Variants in FAM171A1 observed in about 807,000 individuals in gnomAD.
FAM171A1 encodes the protein protein FAM171A1.
In FAM171A1, 23 loss-of-function variants were observed where a neutral mutation model predicts 74.9. That is an observed-to-expected ratio of 0.31 (90% CI 0.22 to 0.44). FAM171A1 has a LOEUF of 0.44. Among genes scored for constraint, FAM171A1 ranks in the 20% least tolerant of loss-of-function variants. FAM171A1 has a pLI of 1.00. For synonymous variants in FAM171A1, 527 were observed against 505.7 expected (o/e 1.04, Z -0.57); for missense variants, 1,162 against 1,159.2 (o/e 1.00, Z -0.03).
At chr10:15,310,737 C>T (rs1835350400) in intron 1 of FAM171A1, among the ~76,000 whole-genome samples, 1 of 152,078 alleles carries the variant, frequency 6.6e-6, no homozygotes, top group African/African-American at 2.4e-5. Context: ...TGGCGCGTGC[C>T]TGTAGTCCCA....
At chr10:15,233,121 C>G (rs557177101) in intron 5 of FAM171A1, among the ~76,000 whole-genome samples, 2 of 151,956 alleles carry the variant, frequency 1.3e-5, no homozygotes, top group Non-Finnish European at 2.9e-5. Context: ...GGTGAAACCC[C>G]GTTTCTACTA....
intron 5 of FAM171A1, among the ~76,000 whole-genome samples, chr10:15,242,670 C>A (rs1338176898): frequency 6.6e-6 from 1 of 152,040 alleles, no homozygotes; most frequent in African/African-American, 2.4e-5. Flanking sequence ...GTGTGCCTGT[C>A]GTCCCAGCTA....
At chr10:15,286,841 T>G (rs934738764) in intron 1 of FAM171A1, among the ~76,000 whole-genome samples, 4 of 152,170 alleles carry the variant, frequency 2.6e-5, no homozygotes, top group Non-Finnish European at 5.9e-5. Context: ...AGCTAAATCA[T>G]TCACCTGCCT....
chr10:15,261,469 C>T (rs1010239237), intron 3 of FAM171A1, among the ~76,000 whole-genome samples: 9 of 152,248 alleles, frequency 5.9e-5, no homozygotes, highest in African/African-American at 2.2e-4. Flanking sequence ...ATGTTTAACT[C>T]CCTAAAACAT....
chr10:15,317,300 G>A (rs1835434155), intron 1 of FAM171A1, among the ~76,000 whole-genome samples: 1 of 152,180 alleles, frequency 6.6e-6, no homozygotes, highest in Non-Finnish European at 1.5e-5. Flanking sequence ...GGTTTATCCT[G>A]CAGGCCAGGG....
chr10:15,319,728 T>C (rs1210758825), intron 1 of FAM171A1, among the ~76,000 whole-genome samples: 1 of 152,114 alleles, frequency 6.6e-6, no homozygotes, highest in South Asian at 2.1e-4. Context: ...CCACCCCGCC[T>C]GGTCTGTCCA....
At chr10:15,330,127 A>C (rs1419307078) in intron 1 of FAM171A1, among the ~76,000 whole-genome samples, 1 of 152,126 alleles carries the variant, frequency 6.6e-6, no homozygotes, top group Non-Finnish European at 1.5e-5. Flanking sequence ...GGATCACTTG[A>C]AGTCAGGAGT....
intron 1 of FAM171A1, among the ~76,000 whole-genome samples, chr10:15,302,661 T>C (rs189278155): frequency 1.4e-4 from 22 of 152,318 alleles, no homozygotes; most frequent in Non-Finnish European, 3.2e-4. Flanking sequence ...TAGTTCCCTT[T>C]TAAACCTGAA....
In FAM171A1 at chr10:15,213,816, G is replaced by A; in HGVS notation, c.1772C>T (p.Pro591Leu). 6.2e-7 allele frequency: 1 copy of A among 1,614,144 alleles called. No individual in the cohort carries two copies. Among genetic ancestry groups the A allele is most frequent in the Non-Finnish European group, 8.5e-7 (1 of 1,180,032 alleles). The change falls in exon 8 of 8, where the codon CCC becomes CTC. Residue 591 changes from proline to leucine, a missense_variant. Physicochemically the swap from Pro to Leu is moderately conservative, Grantham distance 98. Coordinates refer to ENST00000378116, the MANE Select transcript of FAM171A1 (RefSeq NM_001010924.2). The surrounding 1 kb of genome is among the most constrained non-coding windows in gnomAD (Gnocchi z 6.8). ...CTGGCTGACATAGGAGTGGTCCCCG[G>A]GGAGTTTCATATAATGAGCCGGGAT... ...LVIPAHYMKL[P>L]GDHSYVSQPL...
rs5783433 is a variant in FAM171A1 at position 15,216,832 on chromosome 10, G to GA, written c.872-723dup. On this transcript the variant is annotated intron_variant, in intron 6 of 7. Transcript: ENST00000378116. ...CTATCTGGGAATTTTATATTGCAGT[G>GA]AAAAAAAAAAAAAAAACCCTACAAA... is the stretch of plus-strand genomic sequence containing the variant. Among the ~76,000 whole-genome samples the GA allele has an allele frequency of 7.6e-4, 103 of 134,844 alleles. 1 individual carries two copies. The highest frequency in any genetic ancestry group is 3.8e-3 in the Middle Eastern group (1 of 262). The allele number at this position is 134,844 out of a possible 152,430, so 88.5% of individuals were successfully genotyped here. A position where few individuals can be genotyped will look rare whatever the true frequency, so the allele number is the denominator to read the frequency against.
chr10:15,252,688 T>TTTCTAGGTCAAGTCATCCA (rs1834525110), intron 4 of FAM171A1, among the ~76,000 whole-genome samples: 1 of 152,188 alleles, frequency 6.6e-6, no homozygotes, highest in Non-Finnish European at 1.5e-5. Flanking sequence ...AGCCTAGTCA[T>TTTCTAGGTCAAGTCATCCA]TTCTAGGTCA....
At chr10:15,345,466 T>G (rs577137527) in intron 1 of FAM171A1, among the ~76,000 whole-genome samples, 1 of 151,542 alleles carries the variant, frequency 6.6e-6, no homozygotes, top group Admixed American at 6.6e-5. Flanking sequence ...TTAGGAAGAG[T>G]GAAAATGACT....
At chr10:15,297,809 C>T (rs532394778) in intron 1 of FAM171A1, among the ~76,000 whole-genome samples, 1 of 152,188 alleles carries the variant, frequency 6.6e-6, no homozygotes, top group Non-Finnish European at 1.5e-5. Context: ...AGCAGAAGTT[C>T]ATTCTCTATT....
At position 15,370,964 on chromosome 10, in the gene FAM171A1, C is replaced by T. The variant is rs1171818959; in HGVS notation, c.89G>A (p.Gly30Glu). The stretch of plus-strand genomic sequence containing the variant: ...CGCCGCCGCCCACTGACCTTGGGCT[C>T]CGGCGCCGGGCTCCCGCAGCGTCTT... ...VTKTLREPGA[G>E]AQEVTLKVHI... The change falls in exon 1 of 8, where the codon GGA becomes GAA. Residue 30 changes from glycine to glutamate, a missense_variant. By Grantham distance (98) the Gly-to-Glu change is moderately conservative (BLOSUM62 -2). Coordinates refer to ENST00000378116, the MANE Select transcript of FAM171A1 (RefSeq NM_001010924.2). 8.5e-6 allele frequency: 10 copies of T among 1,175,668 alleles called. No homozygotes were observed. Among genetic ancestry groups the T allele is most frequent in the Non-Finnish European group, 1.1e-5 (10 of 930,116 alleles). The allele number at this position is 1,175,668 out of a possible 1,614,324, so 72.8% of individuals were successfully genotyped here. A position where few individuals can be genotyped will look rare whatever the true frequency, so the allele number is the denominator to read the frequency against.
At chr10:15,369,830 A>G (rs7912216) in intron 1 of FAM171A1, among the ~76,000 whole-genome samples, 20,859 of 152,212 alleles carry the variant, frequency 0.14, 1,554 homozygotes, top group African/African-American at 0.2. Context: ...CTGCAGGGCC[A>G]ACTTTGCAGG....
At chr10:15,282,125 G>A (rs1220400239) in intron 2 of FAM171A1, among the ~76,000 whole-genome samples, 2 of 151,976 alleles carry the variant, frequency 1.3e-5, no homozygotes, top group Non-Finnish European at 2.9e-5. Flanking sequence ...GTGTCATCCC[G>A]GCTGGAGTGC....
intron 5 of FAM171A1, among the ~76,000 whole-genome samples, chr10:15,231,616 T>TCTGCCTGACTCTGC (rs1834207080): frequency 6.6e-6 from 1 of 151,316 alleles, no homozygotes; most frequent in Non-Finnish European, 1.5e-5. Flanking sequence ...GTGTGGCAAC[T>TCTGCCTGACTCTGC]CTGTCAGGCA....
chr10:15,255,997 C>T lies in FAM171A1; in HGVS notation c.419-1118G>A, dbSNP rs570774391. Among the ~76,000 whole-genome samples, 146 of 151,928 alleles carry T rather than the reference C, an allele frequency of 9.6e-4. 2 individuals carry two copies. Among genetic ancestry groups the T allele is most frequent in the Admixed American group, 9.3e-3 (142 of 15,244 alleles). The stretch of plus-strand genomic sequence containing the variant: ...CTGAACTGGTTTTTACCTAATGCTG[C>T]GGTGATATTCACCAGACGTAAAGGT... On this transcript the variant is annotated intron_variant, in intron 3 of 7. Coordinates refer to ENST00000378116, the MANE Select transcript of FAM171A1 (RefSeq NM_001010924.2).
At chr10:15,296,934 T>C (rs1287498678) in intron 1 of FAM171A1, among the ~76,000 whole-genome samples, 1 of 152,182 alleles carries the variant, frequency 6.6e-6, no homozygotes, top group Non-Finnish European at 1.5e-5. Flanking sequence ...AAGGCAGCCA[T>C]GTGGTAGACT....
Sources: allele counts gnomAD v4.1 joint callset (sites outside exome capture counted in the v4.1 genomes callset), GRCh38; gene constraint gnomAD v4.1.1; non-coding constraint Gnocchi (gnomAD v3.1); transcripts MANE v1.5; gene names NCBI Gene and HGNC (gene_info 2026-07-23, HGNC 2026-07-21).